GPC5: variants seen among roughly 807,000 people sequenced by gnomAD.
GPC5 encodes glypican 5.
A neutral mutation model predicts 53.9 loss-of-function variants in GPC5; 47 were observed. That is an observed-to-expected ratio of 0.87 (90% CI 0.69 to 1.11). GPC5 has a LOEUF of 1.11. Ranked by LOEUF, GPC5 falls within the 50% of genes most tolerant of loss-of-function variation. GPC5 has a pLI of 0.00. For missense variants in GPC5, 748 were observed against 713.1 expected (o/e 1.05, Z -0.56); for synonymous variants, 286 against 263.3 (o/e 1.09, Z -0.84).
intron 7 of GPC5, among the ~76,000 whole-genome samples, chr13:92,749,507 T>G (rs897743570): frequency 1.3e-5 from 2 of 152,186 alleles, no homozygotes; most frequent in African/African-American, 4.8e-5. Flanking sequence ...GTATTCTGTT[T>G]GATTTTTTGA....
chr13:91,722,829 A>G (rs889806651), intron 3 of GPC5, among the ~76,000 whole-genome samples: 4 of 152,194 alleles, frequency 2.6e-5, no homozygotes, highest in African/African-American at 7.2e-5. Flanking sequence ...AAGCAGAGAT[A>G]GTATGTGTTT....
chr13:91,527,845 A>T (rs1391665845), intron 2 of GPC5, among the ~76,000 whole-genome samples: 2 of 151,998 alleles, frequency 1.3e-5, no homozygotes, highest in African/African-American at 4.8e-5. Context: ...TGGGGCTTCC[A>T]CTCTCTGAAA....
Position 92,456,470 on chromosome 13 carries a change from C to A in GPC5, c.1561+311481C>A, listed in dbSNP as rs1594216541. 2.0e-5 allele frequency among the ~76,000 whole-genome samples: 3 copies of A among 152,288 alleles called. No individual in the cohort carries two copies. In the East Asian group the frequency reaches 5.8e-4, roughly 29 times the overall value. ...CTTCAGCACCTCCCTTTCCGTCATC[C>A]ATCCTCCATAATATCTCTAGCTTTC... On this transcript the variant is annotated intron_variant, in intron 7 of 7. Coordinates refer to ENST00000377067, the MANE Select transcript of GPC5 (RefSeq NM_004466.6).
In GPC5 at chr13:92,246,959, A is replaced by G. The variant is rs1456491906; in HGVS notation, c.1561+101970A>G. 3.9e-5 allele frequency among the ~76,000 whole-genome samples: 6 copies of G among 152,272 alleles called. No homozygotes were observed. The East Asian group carries it at 1.2e-3, about 29-fold the overall frequency. On this transcript the variant is annotated intron_variant, in intron 7 of 7. Transcript: ENST00000377067. ...CCATACTCAGGTATTCTTGTGTAGTAGAAATATTTCTCTTTCAATTTTTTG... is the reference window on the plus strand; with the variant it reads ...CCATACTCAGGTATTCTTGTGTAGTGGAAATATTTCTCTTTCAATTTTTTG...
chr13:92,645,665 G>C (rs1019430122), intron 7 of GPC5, among the ~76,000 whole-genome samples: 11 of 152,068 alleles, frequency 7.2e-5, no homozygotes, highest in African/African-American at 2.7e-4. Flanking sequence ...ATGAGAGTTT[G>C]ATTGTTCATC....
chr13:92,674,436 G>A (rs1886860722), intron 7 of GPC5, among the ~76,000 whole-genome samples: 1 of 152,052 alleles, frequency 6.6e-6, no homozygotes, highest in South Asian at 2.1e-4. Context: ...TAAGGTTTCT[G>A]TAACAAAATC....
At chr13:92,491,361 A>C (rs1192372436) in intron 7 of GPC5, among the ~76,000 whole-genome samples, 1 of 152,164 alleles carries the variant, frequency 6.6e-6, no homozygotes, top group African/African-American at 2.4e-5. Flanking sequence ...TAATTCAGTC[A>C]ACTTTTTGAC....
chr13:92,778,966 T>TAAAC (rs1555312117), intron 7 of GPC5, among the ~76,000 whole-genome samples: 1 of 149,304 alleles, frequency 6.7e-6, no homozygotes, highest in African/African-American at 2.5e-5. Context: ...GTGCAAGATA[T>TAAAC]ACACACACAC....
intron 7 of GPC5, among the ~76,000 whole-genome samples, chr13:92,364,008 G>A (rs1364478836): frequency 2.0e-5 from 3 of 151,548 alleles, no homozygotes; most frequent in Non-Finnish European, 4.4e-5. Flanking sequence ...AGAAATTGAA[G>A]ATGTATATAT....
intron 7 of GPC5, among the ~76,000 whole-genome samples, chr13:92,364,349 T>C (rs928026493): frequency 5.3e-5 from 8 of 151,872 alleles, no homozygotes; most frequent in African/African-American, 1.9e-4. Context: ...ATAATAGTTT[T>C]CTAATTTTCA....
intron 7 of GPC5, among the ~76,000 whole-genome samples, chr13:92,777,488 C>G (rs1034120004): frequency 6.6e-6 from 1 of 151,900 alleles, no homozygotes; most frequent in African/African-American, 2.4e-5. Flanking sequence ...CAAAAATTAG[C>G]TGGGTGGCAC....
chr13:91,569,824 G>A (rs2031702551), intron 2 of GPC5, among the ~76,000 whole-genome samples: 1 of 152,144 alleles, frequency 6.6e-6, no homozygotes, highest in South Asian at 2.1e-4. Context: ...CACCTTGACA[G>A]TGCCTTCTAT....
At chr13:92,234,782 G>A (rs748955780) in intron 7 of GPC5, among the ~76,000 whole-genome samples, 16 of 152,110 alleles carry the variant, frequency 1.1e-4, no homozygotes, top group Non-Finnish European at 2.1e-4. Context: ...CTTACGGCCT[G>A]GTGCAGGTGG....
intron 2 of GPC5, among the ~76,000 whole-genome samples, chr13:91,561,626 C>T (rs1206164229): frequency 6.6e-6 from 1 of 150,820 alleles, no homozygotes; most frequent in Non-Finnish European, 1.5e-5. Context: ...ATGAGCCTGG[C>T]ATCAAGAAAA....
intron 2 of GPC5, among the ~76,000 whole-genome samples, chr13:91,643,382 A>G (rs1414427335): frequency 6.6e-6 from 1 of 152,224 alleles, no homozygotes; most frequent in African/African-American, 2.4e-5. Flanking sequence ...TCATTGTCCA[A>G]TCTGGGAGAG....
intron 5 of GPC5, among the ~76,000 whole-genome samples, chr13:91,891,011 C>A (rs1054371236): frequency 2.6e-5 from 4 of 152,098 alleles, no homozygotes; most frequent in Non-Finnish European, 5.9e-5. Flanking sequence ...TATGAAATTT[C>A]CTTTTAAAAA....
chr13:91,878,462 A>C (rs2039228486), intron 5 of GPC5, among the ~76,000 whole-genome samples: 1 of 152,176 alleles, frequency 6.6e-6, no homozygotes, highest in African/African-American at 2.4e-5. Context: ...GGAAAATTAG[A>C]ACATATTACA....
intron 2 of GPC5, among the ~76,000 whole-genome samples, chr13:91,665,356 C>T (rs1309563590): frequency 6.6e-6 from 1 of 152,154 alleles, no homozygotes; most frequent in Non-Finnish European, 1.5e-5. Flanking sequence ...ATATTGCTAA[C>T]TGGAATGAGT....
At chr13:91,517,944 C>G (rs542887651) in intron 2 of GPC5, among the ~76,000 whole-genome samples, 1 of 152,122 alleles carries the variant, frequency 6.6e-6, no homozygotes, top group Non-Finnish European at 1.5e-5. Flanking sequence ...TTACCTCCCC[C>G]GGGCCCCTCC....
Sources: gnomAD v4.1 joint callset for allele counts (sites outside exome capture counted in the v4.1 genomes callset) on GRCh38, gnomAD v4.1.1 for gene constraint, MANE v1.5 for transcripts, NCBI Gene and HGNC (gene_info 2026-07-23, HGNC 2026-07-21) for gene names.